The following KDM1B variants were observed in gnomAD, a reference collection of about 807,000 sequenced individuals.
The protein encoded by KDM1B is lysine demethylase 1B.
KDM1B carries 63 observed loss-of-function variants against 107.4 expected under a neutral mutation model. The ratio of observed to expected loss-of-function variants is 0.59; its 90% CI spans 0.48 to 0.72. The LOEUF (loss-of-function observed/expected upper bound fraction) is 0.72, where lower values mean the gene tolerates loss of function less well. KDM1B is among the 30% of genes least tolerant of loss of function. The pLI is 0.00. For missense variants in KDM1B, 749 were observed against 1,020.8 expected (o/e 0.73, Z 3.63); for synonymous variants, 363 against 363.9 (o/e 1.00, Z 0.03).
At position 18,221,918 on chromosome 6, in the gene KDM1B, A is replaced by G; in HGVS notation, c.2395A>G (p.Arg799Gly). 2.5e-6 allele frequency: 4 copies of G among 1,602,208 alleles called. No homozygotes were observed. Among genetic ancestry groups the G allele is most frequent in the Non-Finnish European group, 3.4e-6 (4 of 1,172,720 alleles). Residue 799 changes from arginine to glycine, a missense_variant, in exon 22 of 22, where the codon AGG becomes GGG. By Grantham distance (125) the Arg-to-Gly change is moderately radical (BLOSUM62 -2). Coordinates refer to ENST00000650836, the MANE Select transcript of KDM1B (RefSeq NM_001364614.2). ...TAATTATGTTTTACAGGCAACAAAC[A>G]GGCATTTCCCACAAACTGTTACAGG... is the stretch of plus-strand genomic sequence containing the variant. ...TVFFAGEATN[R>G]HFPQTVTGAY...
chr6:18,187,668 A>G, intron 8 of KDM1B, 124 bp from the exon 9 acceptor site: 1 of 601,912 alleles, frequency 1.7e-6, no homozygotes. Context: ...GTTAAGTCTG[A>G]GCAAGAAAAA....
intron 6 of KDM1B, among the ~76,000 whole-genome samples, chr6:18,170,977 C>T (rs1468029015): frequency 2.6e-5 from 4 of 151,988 alleles, no homozygotes; most frequent in Admixed American, 6.6e-5. Flanking sequence ...CCCGCCACCA[C>T]GCCTGGCTAA....
chr6:18,202,651 G>T (rs148925282), intron 14 of KDM1B, among the ~76,000 whole-genome samples: 1 of 152,336 alleles, frequency 6.6e-6, no homozygotes, highest in Non-Finnish European at 1.5e-5. Context: ...AACTCAGTTT[G>T]CAAGGTGTTA....
intron 5 of KDM1B, among the ~76,000 whole-genome samples, chr6:18,164,497 C>A (rs1785166704): frequency 6.6e-6 from 1 of 152,106 alleles, no homozygotes; most frequent in Non-Finnish European, 1.5e-5. Flanking sequence ...GTTGTGGATT[C>A]TCTCAAAATT....
At chr6:18,218,859 GTCTC>G (rs1248380083) in intron 21 of KDM1B, among the ~76,000 whole-genome samples, 4 of 151,620 alleles carry the variant, frequency 2.6e-5, no homozygotes, top group South Asian at 2.1e-4. Flanking sequence ...GTCCTCCTGG[GTCTC>G]TCTAATTTAA....
At chr6:18,190,342 C>T (rs1039336514) in intron 9 of KDM1B, among the ~76,000 whole-genome samples, 1 of 151,864 alleles carries the variant, frequency 6.6e-6, no homozygotes, top group African/African-American at 2.4e-5. Flanking sequence ...CCTGTAATCC[C>T]TGCACTTTGG....
rs189423132 is a variant in KDM1B, at chr6:18,191,073, G to A, written c.785-124G>A. ...GTCTAACTGGGTGGAGGAAGCAAAG[G>A]TATTTATGTAGGGTAGAGAGTGGAG... On this transcript the variant is annotated intron_variant, in intron 9 of 21. Transcript: ENST00000650836. This position sits in a 1 kb window ranked among gnomAD's most constrained non-coding sequence, Gnocchi z 5.1. The A allele has an allele frequency of 7.5e-6, 5 of 668,302 alleles. No individual in the cohort carries two copies. Among genetic ancestry groups the A allele is most frequent in the South Asian group, 4.7e-5 (2 of 42,408 alleles). The allele number at this position is 668,302 out of a possible 1,614,324, so 41.4% of individuals were successfully genotyped here.
intron 10 of KDM1B, among the ~76,000 whole-genome samples, chr6:18,192,738 C>CAAAA (rs534083654): frequency 3.6e-4 from 45 of 125,218 alleles, no homozygotes; most frequent in South Asian, 1.3e-3. Context: ...GATCCCGTCT[C>CAAAA]AAAAAAAAAA....
intron 21 of KDM1B, among the ~76,000 whole-genome samples, chr6:18,220,891 G>A (rs969965509): frequency 1.3e-4 from 20 of 151,798 alleles, no homozygotes; most frequent in Admixed American, 1.2e-3. Context: ...GTTTCAGCTG[G>A]TGTGTGCCAC....
Position 18,203,260 on chromosome 6 carries a change from T to C in KDM1B, c.1531+1603T>C, listed in dbSNP as rs555087514. ...CCACTGCACCTCAGCTTGGGTGACATAGTGAGACACTGTCTCACAAACAAA... is the reference window on the plus strand; with the variant it reads ...CCACTGCACCTCAGCTTGGGTGACACAGTGAGACACTGTCTCACAAACAAA... On this transcript the variant is annotated intron_variant, in intron 14 of 21. Coordinates refer to ENST00000650836, the MANE Select transcript of KDM1B (RefSeq NM_001364614.2). This position sits in a 1 kb window ranked among gnomAD's most constrained non-coding sequence, Gnocchi z 5.5. Among the ~76,000 whole-genome samples the C allele has an allele frequency of 3.8e-3, 576 of 152,228 alleles. 3 individuals carry two copies. The highest frequency in any genetic ancestry group is 0.013 in the African/African-American group (549 of 41,536).
At chr6:18,193,818 G>A (rs1380278357) in intron 10 of KDM1B, among the ~76,000 whole-genome samples, 2 of 151,764 alleles carry the variant, frequency 1.3e-5, no homozygotes, top group Non-Finnish European at 2.9e-5. Context: ...CATTACTCTT[G>A]AGTCTTTGAA....
At chr6:18,196,013 A>T (rs1278479824) in intron 10 of KDM1B, among the ~76,000 whole-genome samples, 1 of 152,094 alleles carries the variant, frequency 6.6e-6, no homozygotes, top group Non-Finnish European at 1.5e-5. Context: ...AGCCCCGGTA[A>T]TGCCCATTCT....
intron 7 of KDM1B, among the ~76,000 whole-genome samples, chr6:18,184,725 T>C (rs1408750858): frequency 1.4e-5 from 2 of 144,752 alleles, no homozygotes; most frequent in Non-Finnish European, 1.5e-5. Flanking sequence ...GGGTTGTTTC[T>C]AGCTTTTTTC....
At position 18,200,695 on chromosome 6, in the gene KDM1B, A is replaced by G; in HGVS notation, c.1359+119A>G. 1.3e-6 allele frequency: 1 copy of G among 763,406 alleles called. No individual in the cohort carries two copies. The allele number at this position is 763,406 out of a possible 1,614,324, so 47.3% of individuals were successfully genotyped here. On this transcript the variant is annotated intron_variant, in intron 13 of 21. Transcript: ENST00000650836. The surrounding 1 kb of genome is among the most constrained non-coding windows in gnomAD (Gnocchi z 4.3). Reference sequence around the variant, plus strand: ...ACATATAACAGCCCCCTCATCTCCTATGCAAAGCAGTAAGAATTACACTTC... The same window carrying G: ...ACATATAACAGCCCCCTCATCTCCTGTGCAAAGCAGTAAGAATTACACTTC...
At position 18,166,296 on chromosome 6, in the gene KDM1B, C is replaced by A; in HGVS notation, c.335C>A (p.Thr112Lys). 1 of 1,607,088 alleles carries A rather than the reference C, an allele frequency of 6.2e-7. No individual in the cohort carries two copies. The highest frequency in any genetic ancestry group is 8.5e-7 in the Non-Finnish European group (1 of 1,173,744). ...SHKDGYDKYT[T>K]WKKIWTSNGK... ...AAGGATGGATATGACAAATATACTA[C>A]ATGGAAAAAAATATGGACTAGCAAT... is the stretch of plus-strand genomic sequence containing the variant. Residue 112 changes from threonine (T) to lysine (K), a missense_variant, in exon 6 of 22, where the codon ACA (threonine) becomes AAA (lysine). Thr to Lys is a moderately conservative substitution (Grantham distance 78, BLOSUM62 -1). Transcript: ENST00000650836.
rs1786627686 is a variant in KDM1B at position 18,183,486 on chromosome 6, C to G, written c.535-2286C>G. On this transcript the variant is annotated intron_variant, in intron 7 of 21. Transcript: ENST00000650836. ...CGTTGGCCAGGCTTGTCTCGAACTC[C>G]TGAACTCAGGTGATCCACCCACCTC... 1.3e-5 allele frequency among the ~76,000 whole-genome samples: 2 copies of G among 151,868 alleles called. 1 individual carries two copies. Among genetic ancestry groups the G allele is most frequent in the South Asian group, 4.2e-4 (2 of 4,798 alleles).
chr6:18,157,417 G>C (rs2150742188), intron 2 of KDM1B, among the ~76,000 whole-genome samples: 1 of 152,080 alleles, frequency 6.6e-6, no homozygotes, highest in African/African-American at 2.4e-5. Flanking sequence ...CTATTTTCTA[G>C]TATTCAGTTA....
rs1232546397 is a variant in KDM1B, at chr6:18,203,988, G to A, written c.1532-1549G>A. Among the ~76,000 whole-genome samples, 1 of 152,164 alleles carries A rather than the reference G, an allele frequency of 6.6e-6. No homozygotes were observed. The highest frequency in any genetic ancestry group is 2.4e-5 in the African/African-American group (1 of 41,446). On this transcript the variant is annotated intron_variant, in intron 14 of 21. Coordinates refer to ENST00000650836, the MANE Select transcript of KDM1B (RefSeq NM_001364614.2). This position sits in a 1 kb window ranked among gnomAD's most constrained non-coding sequence, Gnocchi z 5.5. ...AAACTGCACAGCAGGAAGCGGGGATGGGACTTCTACAAAAGTCACAGAAAG... is the reference window on the plus strand; with the variant it reads ...AAACTGCACAGCAGGAAGCGGGGATAGGACTTCTACAAAAGTCACAGAAAG...
At chr6:18,156,166 C>T (rs1027132034) in intron 2 of KDM1B, among the ~76,000 whole-genome samples, 1 of 152,176 alleles carries the variant, frequency 6.6e-6, no homozygotes, top group Non-Finnish European at 1.5e-5. Context: ...GCACAGCCAC[C>T]ACGCGTTGAG....
Sources: allele counts gnomAD v4.1 joint callset (sites outside exome capture counted in the v4.1 genomes callset), GRCh38; gene constraint gnomAD v4.1.1; non-coding constraint Gnocchi (gnomAD v3.1); transcripts MANE v1.5; gene names NCBI Gene and HGNC (gene_info 2026-07-23, HGNC 2026-07-21).